Variants in MACROD2 observed in about 807,000 individuals in gnomAD.
MACROD2 encodes mono-ADP ribosylhydrolase 2, also known as ADP-ribose glycohydrolase MACROD2.
In MACROD2, 36 loss-of-function variants were observed where a neutral mutation model predicts 70.4. The observed-to-expected ratio is 0.51, with a 90% confidence interval of 0.39 to 0.68. The LOEUF (loss-of-function observed/expected upper bound fraction) is 0.68. Among genes scored for constraint, MACROD2 ranks in the 30% least tolerant of loss-of-function variants. MACROD2 has a pLI of 0.00. For synonymous variants in MACROD2, 172 were observed against 178.8 expected, an observed-to-expected ratio of 0.96 and a Z score of 0.30; for missense variants, 496 against 538.4, an observed-to-expected ratio of 0.92 and a Z score of 0.78.
intron 3 of MACROD2, among the ~76,000 whole-genome samples, chr20:14,463,340 T>G (rs2084395690): frequency 1.3e-5 from 2 of 151,566 alleles, no homozygotes; most frequent in Non-Finnish European, 2.9e-5. Context: ...TCTGTTTGTC[T>G]GTTATTGGTG....
intron 6 of MACROD2, among the ~76,000 whole-genome samples, chr20:15,265,459 G>C (rs1229908324): frequency 6.6e-6 from 1 of 152,154 alleles, no homozygotes; most frequent in Non-Finnish European, 1.5e-5. Flanking sequence ...CCTAACCAAT[G>C]AGCTGCCCTT....
chr20:15,162,406 G>T (rs1470932313), intron 5 of MACROD2, among the ~76,000 whole-genome samples: 3 of 152,022 alleles, frequency 2.0e-5, no homozygotes, highest in Non-Finnish European at 4.4e-5. Context: ...CACTAAGAAG[G>T]TTATATTCGT....
intron 15 of MACROD2, among the ~76,000 whole-genome samples, chr20:16,024,034 T>A (rs1454870369): frequency 6.6e-6 from 1 of 152,086 alleles, no homozygotes; most frequent in Non-Finnish European, 1.5e-5. Context: ...TGGGCTGGGG[T>A]GATGGCCCAG....
chr20:15,788,625 CATTTTGCAGAT>C (rs1284716781), intron 8 of MACROD2, among the ~76,000 whole-genome samples: 1 of 152,084 alleles, frequency 6.6e-6, no homozygotes, highest in Non-Finnish European at 1.5e-5. Context: ...GCAGGATTGA[CATTTTGCAGAT>C]ATAGTGAAGG....
chr20:15,782,717 C>CAAAAAAAAA (rs11472322), intron 8 of MACROD2, among the ~76,000 whole-genome samples: 6 of 83,356 alleles, frequency 7.2e-5, no homozygotes, highest in Admixed American at 1.4e-4. Context: ...AGAGAAATGG[C>CAAAAAAAAA]AAAAAAAAAA....
intron 12 of MACROD2, among the ~76,000 whole-genome samples, chr20:15,949,494 AG>A (rs2065875992): frequency 6.6e-6 from 1 of 152,204 alleles, no homozygotes; most frequent in Non-Finnish European, 1.5e-5. Flanking sequence ...AGCATTCTCC[AG>A]TACACCATAG....
intron 2 of MACROD2, among the ~76,000 whole-genome samples, chr20:14,080,822 C>T (rs1483808754): frequency 1.3e-5 from 2 of 152,114 alleles, no homozygotes; most frequent in Non-Finnish European, 2.9e-5. Flanking sequence ...TTTTCCCCAC[C>T]TTCCTCACTT....
At chr20:14,978,483 A>C (rs1218911996) in intron 5 of MACROD2, among the ~76,000 whole-genome samples, 2 of 151,652 alleles carry the variant, frequency 1.3e-5, no homozygotes, top group African/African-American at 4.8e-5. Context: ...GGCCAGTGTA[A>C]TTAAACCTTT....
At chr20:14,469,481 C>T (rs2084501344) in intron 3 of MACROD2, among the ~76,000 whole-genome samples, 1 of 152,004 alleles carries the variant, frequency 6.6e-6, no homozygotes, top group Non-Finnish European at 1.5e-5. Flanking sequence ...GCCTGTCTAG[C>T]TAGGTTGGGG....
At chr20:14,541,286 C>T (rs2085428429) in intron 4 of MACROD2, among the ~76,000 whole-genome samples, 1 of 152,012 alleles carries the variant, frequency 6.6e-6, no homozygotes, top group Non-Finnish European at 1.5e-5. Flanking sequence ...AAGGTCTTCC[C>T]ATTTGGTCTG....
At chr20:14,480,447 G>A (rs2084650242) in intron 3 of MACROD2, among the ~76,000 whole-genome samples, 1 of 152,086 alleles carries the variant, frequency 6.6e-6, no homozygotes, top group South Asian at 2.1e-4. Flanking sequence ...ACCTATTGCT[G>A]CATCTGTTTT....
At chr20:15,053,847 G>A (rs1017938813) in intron 5 of MACROD2, among the ~76,000 whole-genome samples, 16 of 152,204 alleles carry the variant, frequency 1.1e-4, no homozygotes, top group African/African-American at 3.4e-4. Flanking sequence ...CATTCTAGAT[G>A]TTATTAAAAA....
intron 8 of MACROD2, among the ~76,000 whole-genome samples, chr20:15,782,213 C>T (rs2051845700): frequency 6.6e-6 from 1 of 152,126 alleles, no homozygotes; most frequent in African/African-American, 2.4e-5. Context: ...AGAAAGCACT[C>T]AGCACAAAGT....
At chr20:14,976,937 A>AAC (rs148720092) in intron 5 of MACROD2, among the ~76,000 whole-genome samples, 13,549 of 152,138 alleles carry the variant, frequency 0.089, 1,495 homozygotes, top group African/African-American at 0.26. Flanking sequence ...ATTTTATATA[A>AAC]ACATTTTCTT....
At chr20:14,741,489 C>T (rs1024375540) in intron 5 of MACROD2, among the ~76,000 whole-genome samples, 1 of 151,920 alleles carries the variant, frequency 6.6e-6, no homozygotes, top group African/African-American at 2.4e-5. Flanking sequence ...TATATGCAAT[C>T]CTGAAATATG....
chr20:15,462,640 C>T (rs905758415), intron 7 of MACROD2, among the ~76,000 whole-genome samples: 1 of 152,190 alleles, frequency 6.6e-6, no homozygotes, highest in African/African-American at 2.4e-5. Context: ...GTTTTGTTGA[C>T]ACCTTGGTTT....
chr20:16,032,077 G>C (rs1346468848), intron 15 of MACROD2, among the ~76,000 whole-genome samples: 1 of 152,050 alleles, frequency 6.6e-6, no homozygotes, highest in Non-Finnish European at 1.5e-5. Flanking sequence ...GTTTTTTAAT[G>C]TCACTACAGT....
intron 8 of MACROD2, among the ~76,000 whole-genome samples, chr20:15,655,096 A>T (rs2049707526): frequency 6.6e-6 from 1 of 152,026 alleles, no homozygotes; most frequent in African/African-American, 2.4e-5. Flanking sequence ...ATCACACTTG[A>T]AAAATACAAT....
At chr20:15,406,051 G>A (rs942933310) in intron 6 of MACROD2, among the ~76,000 whole-genome samples, 4 of 152,282 alleles carry the variant, frequency 2.6e-5, no homozygotes, top group Non-Finnish European at 4.4e-5. Context: ...TACGCCGTTA[G>A]GGACTTCCGA....
Sources: gnomAD v4.1 joint callset for allele counts (sites outside exome capture counted in the v4.1 genomes callset) on GRCh38, gnomAD v4.1.1 for gene constraint, MANE v1.5 for transcripts, NCBI Gene and HGNC (gene_info 2026-07-23, HGNC 2026-07-21) for gene names.